The following DNAAF10 variants were observed in gnomAD, a reference collection of about 807,000 sequenced individuals.
The protein encoded by DNAAF10 is dynein axonemal assembly factor 10.
Under a neutral mutation model 43.7 loss-of-function variants are expected in DNAAF10, and 28 were observed. The ratio of observed to expected loss-of-function variants is 0.64; its 90% CI spans 0.48 to 0.88. The LOEUF (loss-of-function observed/expected upper bound fraction) is 0.88. DNAAF10 is among the 40% of genes least tolerant of loss of function. The probability of loss-of-function intolerance (pLI) is 0.00; values close to 1 mark genes in which losing one functional copy is unlikely to be tolerated. For missense variants in DNAAF10, 403 were observed against 439.1 expected, an observed-to-expected ratio of 0.92 and a Z score of 0.73; for synonymous variants, 156 against 157.3, an observed-to-expected ratio of 0.99 and a Z score of 0.06.
At chr2:68,137,676 G>A (rs998475555) in intron 5 of DNAAF10, among the ~76,000 whole-genome samples, 2 of 151,892 alleles carry the variant, frequency 1.3e-5, no homozygotes, top group African/African-American at 4.8e-5. Flanking sequence ...AGACCAGCCT[G>A]ACCTACATGG....
chr2:68,134,565 T>C (rs2103882254), intron 7 of DNAAF10, 137 bp downstream of exon 7: 1 of 1,504,454 alleles, frequency 6.6e-7, no homozygotes, highest in South Asian at 1.3e-5. Context: ...AAACAAGTTA[T>C]GTAACACCAT....
At chr2:68,143,202 A>C (rs1673234985) in intron 3 of DNAAF10, among the ~76,000 whole-genome samples, 2 of 152,142 alleles carry the variant, frequency 1.3e-5, no homozygotes, top group Non-Finnish European at 2.9e-5. Flanking sequence ...CCAGATATAG[A>C]GATAAGAGAT....
At chr2:68,137,546 AATCATTT>A in intron 5 of DNAAF10, 113 bp from the exon 6 acceptor site, 1 of 1,071,494 alleles carries the variant, frequency 9.3e-7, no homozygotes, top group Non-Finnish European at 1.3e-6. Flanking sequence ...GCACTCCAAC[AATCATTT>A]ATCTTTTAAC....
At chr2:68,144,772 T>C in intron 2 of DNAAF10, 57 bp from the exon 3 acceptor site, 12 of 1,544,872 alleles carry the variant, frequency 7.8e-6, no homozygotes, top group Non-Finnish European at 1.0e-5. Flanking sequence ...AGTCTACTAC[T>C]GAAATTCAAA....
intron 2 of DNAAF10, among the ~76,000 whole-genome samples, chr2:68,146,971 T>C (rs1673332439): frequency 6.6e-6 from 1 of 152,182 alleles, no homozygotes; most frequent in African/African-American, 2.4e-5. Flanking sequence ...TTTGGCAGAA[T>C]TGTGATTTTG....
At chr2:68,134,854 G>T (rs1673002918) in intron 6 of DNAAF10, 55 bp from the exon 7 acceptor site, 29 of 1,585,548 alleles carry the variant, frequency 1.8e-5, no homozygotes, top group Non-Finnish European at 2.5e-5. Context: ...TGCCCTGGAA[G>T]AGAAACGCTG....
At chr2:68,144,488 G>A in intron 3 of DNAAF10, 97 bp downstream of exon 3, 1 of 1,484,356 alleles carries the variant, frequency 6.7e-7, no homozygotes, top group Non-Finnish European at 9.1e-7. Context: ...GGGAGTCAAG[G>A]TGACTGAAGG....
intron 1 of DNAAF10, among the ~76,000 whole-genome samples, chr2:68,152,852 TGTCAG>T (rs1259945722): frequency 6.6e-6 from 1 of 152,180 alleles, no homozygotes; most frequent in Admixed American, 6.5e-5. Context: ...TAGTACAGCT[TGTCAG>T]TATTTCCTCC....
At chr2:68,157,111 T>A in intron 1 of DNAAF10, 150 bp downstream of exon 1, 1 of 1,074,170 alleles carries the variant, frequency 9.3e-7, no homozygotes, top group Non-Finnish European at 1.3e-6. Flanking sequence ...ATAGGAAACA[T>A]TCCTCAGTCG....
At chr2:68,131,545 T>C in intron 7 of DNAAF10, 100 bp from the exon 8 acceptor site, 2 of 1,140,318 alleles carry the variant, frequency 1.8e-6, no homozygotes, top group East Asian at 2.4e-5. Context: ...AGTTGGTTAC[T>C]GGGACTAATA....
intron 3 of DNAAF10, among the ~76,000 whole-genome samples, chr2:68,143,343 C>T (rs970096975): frequency 6.6e-6 from 1 of 152,080 alleles, no homozygotes; most frequent in Non-Finnish European, 1.5e-5. Flanking sequence ...GCCACCACAC[C>T]TGGCTAATTT....
intron 1 of DNAAF10, among the ~76,000 whole-genome samples, chr2:68,156,439 T>C (rs1476498734): frequency 1.3e-5 from 2 of 152,206 alleles, no homozygotes; most frequent in African/African-American, 4.8e-5. Flanking sequence ...CAACACTTTT[T>C]AAAAACTATA....
chr2:68,137,245 G>C (rs962993268), intron 6 of DNAAF10, 54 bp downstream of exon 6: 1 of 1,569,570 alleles, frequency 6.4e-7, no homozygotes, highest in Non-Finnish European at 8.6e-7. Flanking sequence ...CTACTTATCA[G>C]TCTAAACCAA....
intron 6 of DNAAF10, 93 bp from the exon 7 acceptor site, chr2:68,134,892 T>A (rs1673004021): frequency 1.4e-6 from 2 of 1,381,398 alleles, no homozygotes; most frequent in Admixed American, 2.1e-5. Context: ...CAACTATAAT[T>A]TCAATGGTTA....
At position 68,137,420 on chromosome 2, in the gene DNAAF10, T is replaced by A; in HGVS notation, c.647A>T (p.Glu216Val). The A allele has an allele frequency of 1.2e-6, 2 of 1,611,732 alleles. No individual in the cohort carries two copies. Among genetic ancestry groups the A allele is most frequent in the South Asian group, 2.2e-5 (2 of 90,600 alleles). ...CATACTTATGTCTTTTCTGTCAAAC[T>A]CCAAGCTACACACCTGAAAACAGAG... is the stretch of plus-strand genomic sequence containing the variant. Reference protein sequence around the residue: ...TNIKNGVCSLEFDRKDISMNK... With the variant: ...TNIKNGVCSLVFDRKDISMNK... The change falls in exon 6 of 8, where the codon GAG (glutamate) becomes GTG (valine). Residue 216 changes from glutamate to valine, a missense_variant. Transcript: ENST00000295121.
chr2:68,135,503 C>T (rs546347127), intron 6 of DNAAF10, among the ~76,000 whole-genome samples: 22 of 152,210 alleles, frequency 1.4e-4, no homozygotes, highest in African/African-American at 5.3e-4. Context: ...GTAAATCCAT[C>T]CCGGCGCCAC....
chr2:68,150,727 C>A (rs113905966), intron 1 of DNAAF10, among the ~76,000 whole-genome samples: 51 of 151,566 alleles, frequency 3.4e-4, no homozygotes, highest in African/African-American at 1.2e-3. Context: ...AGAGAGACTC[C>A]GTCTCAAAAA....
chr2:68,151,139 A>G (rs937140172), intron 1 of DNAAF10, among the ~76,000 whole-genome samples: 2 of 152,260 alleles, frequency 1.3e-5, no homozygotes, highest in Admixed American at 1.3e-4. Flanking sequence ...AGAAGCACAG[A>G]CTCACAAGAG....
chr2:68,157,172 C>G, intron 1 of DNAAF10, 89 bp downstream of exon 1: 1 of 1,499,718 alleles, frequency 6.7e-7, no homozygotes, highest in South Asian at 1.3e-5. Flanking sequence ...TTGGGGGACG[C>G]TGGGCGAAGG....
Sources: allele counts gnomAD v4.1 joint callset (sites outside exome capture counted in the v4.1 genomes callset), GRCh38; gene constraint gnomAD v4.1.1; transcripts MANE v1.5; gene names NCBI Gene and HGNC (gene_info 2026-07-23, HGNC 2026-07-21).